OXR1: variants seen among roughly 807,000 people sequenced by gnomAD.
OXR1 encodes the protein oxidation resistance 1, also known as oxidation resistance protein 1.
A neutral mutation model predicts 104.6 loss-of-function variants in OXR1; 41 were observed. The observed-to-expected ratio is 0.39, with a 90% CI of 0.31 to 0.51. The LOEUF (loss-of-function observed/expected upper bound fraction) is 0.51. Ranked by LOEUF, OXR1 falls within the 20% of genes least tolerant of loss-of-function variation. The pLI, the probability that OXR1 is intolerant of heterozygous loss-of-function variation, is 0.77. For missense variants in OXR1, 955 were observed against 1,031.9 expected, an observed-to-expected ratio of 0.93 and a Z score of 1.02; for synonymous variants, 348 against 348.4, an observed-to-expected ratio of 1.00 and a Z score of 0.01.
intron 3 of OXR1, among the ~76,000 whole-genome samples, chr8:106,568,680 T>G (rs949371554): frequency 3.9e-5 from 6 of 152,164 alleles, no homozygotes; most frequent in African/African-American, 1.4e-4. Context: ...GCATGCTTCC[T>G]GTATGATAGA....
intron 3 of OXR1, among the ~76,000 whole-genome samples, chr8:106,630,709 CCAAA>C (rs1353385795): frequency 1.3e-5 from 2 of 152,116 alleles, no homozygotes; most frequent in African/African-American, 4.8e-5. Flanking sequence ...TTACAGCATG[CCAAA>C]CATAGAGTAA....
rs1190990960 is a variant in OXR1 at position 106,751,507 on chromosome 8, G to A, written c.*566G>A. ...CTACAACATTCTCTTTAACGATGTT[G>A]CAGGTATTCTCAATTTCCTTTTAAG... is the stretch of plus-strand genomic sequence containing the variant. On this transcript the variant is annotated 3_prime_UTR_variant, in exon 17 of 17. Transcript: ENST00000517566. 1 of 152,540 alleles carries A rather than the reference G, an allele frequency of 6.6e-6. No homozygotes were observed. Among genetic ancestry groups the A allele is most frequent in the African/African-American group, 2.4e-5 (1 of 41,426 alleles). 9.4% of individuals were successfully genotyped at this position (152,540 alleles called of 1,614,324 possible).
chr8:106,380,217 T>C (rs931745286), intron 2 of OXR1, among the ~76,000 whole-genome samples: 16 of 146,340 alleles, frequency 1.1e-4, no homozygotes, highest in African/African-American at 4.5e-4. Flanking sequence ...ATACATATCA[T>C]ACATTATATA....
chr8:106,470,671 G>C (rs1269236931), intron 2 of OXR1, among the ~76,000 whole-genome samples: 1 of 151,726 alleles, frequency 6.6e-6, no homozygotes, highest in Non-Finnish European at 1.5e-5. Flanking sequence ...CACTGAGGCA[G>C]TAAGTGTAGA....
At chr8:106,604,997 A>G (rs1820259080) in intron 3 of OXR1, 1 of 152,204 alleles carries the variant, frequency 6.6e-6, no homozygotes, top group Non-Finnish European at 1.5e-5. Flanking sequence ...GCCACCTCAG[A>G]TTACAAGCAG....
chr8:106,364,696 A>G (rs1166076993), intron 2 of OXR1, among the ~76,000 whole-genome samples: 1 of 152,194 alleles, frequency 6.6e-6, no homozygotes, highest in Non-Finnish European at 1.5e-5. Flanking sequence ...GATTATTCAC[A>G]TTACTTATAA....
At chr8:106,510,313 A>G (rs1486663511) in intron 2 of OXR1, among the ~76,000 whole-genome samples, 1 of 152,214 alleles carries the variant, frequency 6.6e-6, no homozygotes. Flanking sequence ...CTAGGAATGA[A>G]ATGATGAACA....
intron 3 of OXR1, among the ~76,000 whole-genome samples, chr8:106,628,710 C>T (rs2130880271): frequency 6.6e-6 from 1 of 152,314 alleles, no homozygotes; most frequent in African/African-American, 2.4e-5. Flanking sequence ...CTGCTATCCT[C>T]TTCCATCTTC....
chr8:106,489,643 A>G (rs557337005), intron 2 of OXR1, among the ~76,000 whole-genome samples: 2 of 152,310 alleles, frequency 1.3e-5, no homozygotes, highest in Admixed American at 6.5e-5. Flanking sequence ...AAATATTTAT[A>G]TGTATTAAGG....
chr8:106,404,155 G>C (rs1023942500), intron 2 of OXR1, among the ~76,000 whole-genome samples: 2 of 152,150 alleles, frequency 1.3e-5, no homozygotes, highest in African/African-American at 4.8e-5. Context: ...GGGTAGGGAT[G>C]CTGCTACCAC....
intron 3 of OXR1, among the ~76,000 whole-genome samples, chr8:106,619,050 CT>C: frequency 6.6e-6 from 1 of 152,032 alleles, no homozygotes; most frequent in Non-Finnish European, 1.5e-5. Flanking sequence ...TCATTATTGA[CT>C]TTAAAAAATG....
chr8:106,707,134 G>A lies in OXR1; in HGVS notation c.1613G>A (p.Gly538Glu). 1 of 1,613,188 alleles carries A rather than the reference G, an allele frequency of 6.2e-7. No homozygotes were observed. Among genetic ancestry groups the A allele is most frequent in the Non-Finnish European group, 8.5e-7 (1 of 1,179,320 alleles). ...AAGCATAAAATTACATCTGCTGATG[G>A]ACACATAGAAAGTAAGTGTTATAGA... The part of the protein sequence containing the change: ...EAKHKITSAD[G>E]HIESSALLKE... Residue 538 changes from glycine (G) to glutamate (E), a missense_variant, in exon 9 of 17, where the codon GGA (glycine) becomes GAA (glutamate). Physicochemically the swap from Gly to Glu is moderately conservative, Grantham distance 98. This residue lies in a region of OXR1 where 849 missense variants were observed against 852.9 expected (regional missense o/e 1.00). Transcript: ENST00000517566.
At chr8:106,561,632 A>G (rs2130494062) in intron 3 of OXR1, among the ~76,000 whole-genome samples, 1 of 152,270 alleles carries the variant, frequency 6.6e-6, no homozygotes, top group East Asian at 1.9e-4. Flanking sequence ...CTGCTAAGGG[A>G]CAGACTACCT....
intron 1 of OXR1, among the ~76,000 whole-genome samples, chr8:106,274,993 C>T (rs1040809081): frequency 6.6e-6 from 1 of 152,208 alleles, no homozygotes; most frequent in South Asian, 2.1e-4. Context: ...AGGTTCTGTT[C>T]TAGACACTGG....
chr8:106,547,876 A>G (rs567661280), intron 3 of OXR1, among the ~76,000 whole-genome samples: 4 of 152,244 alleles, frequency 2.6e-5, no homozygotes, highest in South Asian at 2.1e-4. Context: ...TCATTTGTCA[A>G]TGGACACATG....
intron 6 of OXR1, 66 bp downstream of exon 6, chr8:106,684,425 G>A: frequency 1.3e-6 from 1 of 777,874 alleles, no homozygotes. Context: ...TGACTGTCTT[G>A]TTTTTTACAT....
At chr8:106,689,336 T>C (rs1829054507) in intron 6 of OXR1, among the ~76,000 whole-genome samples, 1 of 152,090 alleles carries the variant, frequency 6.6e-6, no homozygotes, top group Non-Finnish European at 1.5e-5. Context: ...GGTGGTCTCT[T>C]CTTTATATAA....
chr8:106,577,199 T>C (rs1216243448), intron 3 of OXR1, among the ~76,000 whole-genome samples: 1 of 151,154 alleles, frequency 6.6e-6, no homozygotes, highest in Non-Finnish European at 1.5e-5. Context: ...TCCGTTTTTT[T>C]TGTTTTGTTT....
intron 16 of OXR1, 117 bp from the exon 17 acceptor site, chr8:106,750,689 T>G: frequency 1.5e-6 from 1 of 684,302 alleles, no homozygotes. Context: ...TGGAAAGGAG[T>G]AGGGAAGGAT....
Sources: gnomAD v4.1 joint callset for allele counts (sites outside exome capture counted in the v4.1 genomes callset) on GRCh38, gnomAD v4.1.1 for gene constraint, gnomAD v4.1.1 regional missense constraint, MANE v1.5 for transcripts, NCBI Gene and HGNC (gene_info 2026-07-23, HGNC 2026-07-21) for gene names.